DNAH5: variants seen among roughly 807,000 people sequenced by gnomAD.
DNAH5 encodes axonemal beta dynein heavy chain 5.
DNAH5 carries 372 observed loss-of-function variants against 518.2 expected under a neutral mutation model. That is an observed-to-expected ratio of 0.72 (90% confidence interval 0.66 to 0.78). The LOEUF (loss-of-function observed/expected upper bound fraction) is 0.78, where lower values mean the gene tolerates loss of function less well. Among genes scored for constraint, DNAH5 ranks in the 30% least tolerant of loss-of-function variants. The probability of loss-of-function intolerance (pLI) is 0.00; values close to 1 mark genes in which losing one functional copy is unlikely to be tolerated. For synonymous variants in DNAH5, 2,039 were observed against 2,025.9 expected (o/e 1.01, Z -0.17); for missense variants, 5,523 against 5,687.0 (o/e 0.97, Z 0.93).
At chr5:13,904,822 G>A (rs1302704598) in intron 12 of DNAH5, among the ~76,000 whole-genome samples, 2 of 152,034 alleles carry the variant, frequency 1.3e-5, no homozygotes, top group Non-Finnish European at 2.9e-5. Context: ...GAGGTGGGAT[G>A]ATCATTTGAG....
chr5:13,721,624 C>T (rs73749929), intron 70 of DNAH5, among the ~76,000 whole-genome samples: 3 of 152,192 alleles, frequency 2.0e-5, no homozygotes, highest in East Asian at 1.9e-4. Context: ...CAACACAATA[C>T]CTAGAATGTA....
rs1169546061 is a variant in DNAH5 at position 13,793,532 on chromosome 5, G to A, written c.8207C>T (p.Ser2736Phe). 4 of 1,613,642 alleles carry A rather than the reference G, an allele frequency of 2.5e-6. No individual in the cohort carries two copies. The highest frequency in any genetic ancestry group is 3.4e-6 in the Non-Finnish European group (4 of 1,179,598). Residue 2736 changes from serine (S) to phenylalanine (F), a missense_variant, in exon 49 of 79, where the codon TCT becomes TTT. Physicochemically the swap from Ser to Phe is radical, Grantham distance 155. Around this residue, in one of 3 missense-constraint regions of DNAH5, gnomAD observed 5,121 missense variants for 5,223.3 expected, o/e 0.98. Transcript: ENST00000265104. ...ATCTTTACCAAAGATCTTGTCCACAGAAGCTTCAGAGGGCAACGTGCAATT... is the reference window on the plus strand; with the variant it reads ...ATCTTTACCAAAGATCTTGTCCACAAAAGCTTCAGAGGGCAACGTGCAATT... The part of the protein sequence containing the change: ...IFNCTLPSEA[S>F]VDKIFGVIGV...
At chr5:13,841,216 T>G in intron 33 of DNAH5, 86 bp from the exon 34 acceptor site, 1 of 1,080,050 alleles carries the variant, frequency 9.3e-7, no homozygotes, top group Non-Finnish European at 1.4e-6. Context: ...CAGCTGTGAT[T>G]GTTACACAAG....
At chr5:13,992,052 G>T (rs1783598670) in intron 1 of DNAH5, among the ~76,000 whole-genome samples, 1 of 152,202 alleles carries the variant, frequency 6.6e-6, no homozygotes, top group Admixed American at 6.5e-5. Context: ...CACCCAAAGA[G>T]CTGCAAAGTA....
chr5:13,964,579 A>T (rs1781407911), intron 1 of DNAH5, among the ~76,000 whole-genome samples: 3 of 152,204 alleles, frequency 2.0e-5, no homozygotes, highest in African/African-American at 7.2e-5. Flanking sequence ...AGTGGTCACC[A>T]AAATTGGGCT....
At chr5:13,844,709 G>A in intron 32 of DNAH5, 128 bp downstream of exon 32, 3 of 1,200,882 alleles carry the variant, frequency 2.5e-6, no homozygotes, top group Non-Finnish European at 3.7e-6. Flanking sequence ...TTTGTTTTTA[G>A]TCACTGGCCA....
At chr5:13,797,949 C>G (rs1758082514) in intron 47 of DNAH5, among the ~76,000 whole-genome samples, 1 of 149,778 alleles carries the variant, frequency 6.7e-6, no homozygotes, top group Admixed American at 6.8e-5. Flanking sequence ...CAAACTATCA[C>G]AAGGACAGAA....
chr5:13,852,938 T>C (rs929769946), intron 30 of DNAH5, among the ~76,000 whole-genome samples: 7 of 152,128 alleles, frequency 4.6e-5, no homozygotes, highest in Admixed American at 1.3e-4. Flanking sequence ...AGCTGTGGGG[T>C]ACAGCGTCAG....
In DNAH5 at chr5:13,777,306, T is replaced by C. The variant is rs780283468; in HGVS notation, c.9001A>G (p.Thr3001Ala). Reference protein sequence around the residue: ...LMEDLKVLYRTAGQQGKGITF... With the variant: ...LMEDLKVLYRAAGQQGKGITF... ...ATTCCTTTGCCTTGCTGACCAGCTGTTCGATACAAAACCTTCAGATCTTCC... is the reference window on the plus strand; with the variant it reads ...ATTCCTTTGCCTTGCTGACCAGCTGCTCGATACAAAACCTTCAGATCTTCC... Residue 3001 changes from threonine (T) to alanine (A), a missense_variant, in exon 54 of 79, where the codon ACA becomes GCA. Physicochemically the swap from Thr to Ala is moderately conservative, Grantham distance 58. Transcript: ENST00000265104. The C allele has an allele frequency of 1.5e-5, 25 of 1,613,530 alleles. No homozygotes were observed. The highest frequency in any genetic ancestry group is 2.0e-5 in the Non-Finnish European group (24 of 1,179,662).
chr5:13,794,404 T>A lies in DNAH5; in HGVS notation c.7888-346A>T, dbSNP rs556938030. On this transcript the variant is annotated intron_variant, in intron 47 of 78. Coordinates refer to ENST00000265104, the MANE Select transcript of DNAH5 (RefSeq NM_001369.3). ...CAAAGTCTTGCTAATAGTTTCCCTATAACCAGCAACAAAGTTAAACAAGGC... is the reference window on the plus strand; with the variant it reads ...CAAAGTCTTGCTAATAGTTTCCCTAAAACCAGCAACAAAGTTAAACAAGGC... Among the ~76,000 whole-genome samples the A allele has an allele frequency of 3.9e-5, 6 of 152,314 alleles. No individual in the cohort carries two copies. In the East Asian group the frequency reaches 1.2e-3, roughly 29 times the overall value.
rs1005965726 is a variant in DNAH5, at chr5:13,782,088, T to C, written c.8821-1129A>G. Among the ~76,000 whole-genome samples, 8 of 152,152 alleles carry C rather than the reference T, an allele frequency of 5.3e-5. No homozygotes were observed. The East Asian group carries it at 5.8e-4, about 11-fold the overall frequency. ...TCCCCTTGATGTTCTTTATACCTTA[T>C]GCAAGAACTGTTTCTCTTTCCCTCC... On this transcript the variant is annotated intron_variant, in intron 52 of 78. Transcript: ENST00000265104.
chr5:13,770,960 A>T lies in DNAH5; in HGVS notation c.9394T>A (p.Ser3132Thr). 1.2e-6 allele frequency: 2 copies of T among 1,613,454 alleles called. No individual in the cohort carries two copies. Among genetic ancestry groups the T allele is most frequent in the Non-Finnish European group, 1.7e-6 (2 of 1,179,424 alleles). ...TCCAAACTGCAGTCAATATCATAGG[A>T]AGTGAGGAAGTGTTCAGACACTAGA... ...LVAVSEHFLT[S>T]YDIDCSLEIK... The change falls in exon 56 of 79, where the codon TCC (serine) becomes ACC (threonine). Residue 3132 changes from serine (S) to threonine (T), a missense_variant. This residue lies in a region of DNAH5 where 5,121 missense variants were observed against 5,223.3 expected (regional missense o/e 0.98). Coordinates refer to ENST00000265104, the MANE Select transcript of DNAH5 (RefSeq NM_001369.3).
chr5:13,694,198 T>A (rs1355714753), intron 78 of DNAH5, among the ~76,000 whole-genome samples: 3 of 151,998 alleles, frequency 2.0e-5, no homozygotes, highest in African/African-American at 7.3e-5. Flanking sequence ...AACAGAAAAA[T>A]GGAGGGAAAA....
intron 75 of DNAH5, among the ~76,000 whole-genome samples, chr5:13,711,951 C>T (rs1743532753): frequency 6.6e-6 from 1 of 152,122 alleles, no homozygotes; most frequent in African/African-American, 2.4e-5. Context: ...AAGCAATCTA[C>T]AAATTCAATG....
rs887402044 is a variant in DNAH5 at position 13,727,669 on chromosome 5, T to C, written c.11884-13A>G. 6.2e-7 allele frequency: 1 copy of C among 1,613,656 alleles called. No homozygotes were observed. Among genetic ancestry groups the C allele is most frequent in the Non-Finnish European group, 8.5e-7 (1 of 1,179,658 alleles). On this transcript the variant is annotated splice_polypyrimidine_tract_variant and intron_variant, in intron 69 of 78. Transcript: ENST00000265104. The stretch of plus-strand genomic sequence containing the variant: ...CATTTCTCGATATCTGAAAATACCA[T>C]GGGATAAAAACTGTGTCATGCCACC...
chr5:13,954,493 T>G (rs1780635078), intron 1 of DNAH5, among the ~76,000 whole-genome samples: 1 of 152,330 alleles, frequency 6.6e-6, no homozygotes, highest in Non-Finnish European at 1.5e-5. Flanking sequence ...GAGGAGCAAT[T>G]GCATGTCTAA....
chr5:13,791,537 A>G (rs186994236), intron 50 of DNAH5, among the ~76,000 whole-genome samples: 2 of 152,330 alleles, frequency 1.3e-5, no homozygotes, highest in Non-Finnish European at 2.9e-5. Context: ...GAAAAGAAAA[A>G]TCATAGATGA....
intron 38 of DNAH5, among the ~76,000 whole-genome samples, chr5:13,829,139 C>T (rs1039339816): frequency 1.2e-4 from 18 of 152,132 alleles, no homozygotes; most frequent in African/African-American, 4.3e-4. Context: ...TGGTCAAATA[C>T]TCAAGTGAGC....
chr5:13,786,392 C>T, intron 51 of DNAH5, 41 bp from the exon 52 acceptor site: 2 of 1,582,768 alleles, frequency 1.3e-6, no homozygotes. Flanking sequence ...TCTGCAAATA[C>T]CTGCATTTTA....
Sources: allele counts gnomAD v4.1 joint callset (sites outside exome capture counted in the v4.1 genomes callset), GRCh38; gene constraint gnomAD v4.1.1; regional missense constraint gnomAD v4.1.1; transcripts MANE v1.5; gene names NCBI Gene and HGNC (gene_info 2026-07-23, HGNC 2026-07-21).